Variants in SLC38A9 observed in about 807,000 individuals in gnomAD.
SLC38A9 encodes neutral amino acid transporter 9.
A neutral mutation model predicts 62.3 loss-of-function variants in SLC38A9; 48 were observed. The observed-to-expected ratio is 0.77, with a 90% CI of 0.61 to 0.98. The LOEUF (loss-of-function observed/expected upper bound fraction) is 0.98. Ranked by LOEUF, SLC38A9 falls within the 50% of genes least tolerant of loss-of-function variation. SLC38A9 has a pLI of 0.00. For missense variants in SLC38A9, 541 were observed against 679.8 expected (o/e 0.80, Z 2.27); for synonymous variants, 204 against 227.7 (o/e 0.90, Z 0.94).
rs56912932 is a variant in SLC38A9, at chr5:55,687,065, GTTTTTTTTTT to G, written c.113+10771_113+10780del. Among the ~76,000 whole-genome samples, 1,105 of 125,580 alleles carry G rather than the reference GTTTTTTTTTT, an allele frequency of 8.8e-3. 13 individuals carry two copies. Among genetic ancestry groups the G allele is most frequent in the African/African-American group, 0.029 (911 of 31,600 alleles). 82.4% of individuals were successfully genotyped at this position (125,580 alleles called of 152,430 possible). A position where few individuals can be genotyped will look rare whatever the true frequency, so the allele number is the denominator to read the frequency against. On this transcript the variant is annotated intron_variant, in intron 3 of 15. Coordinates refer to ENST00000396865, the MANE Select transcript of SLC38A9 (RefSeq NM_173514.4). The stretch of plus-strand genomic sequence containing the variant: ...TGGATAGCATGATGCCTCCAGCTTT[GTTTTTTTTTT>G]TTTTTTTTTTTTTTTGCTTAAGATT...
At chr5:55,637,642 A>G (rs73123886) in intron 12 of SLC38A9, among the ~76,000 whole-genome samples, 4,299 of 152,294 alleles carry the variant, frequency 0.028, 74 homozygotes, top group South Asian at 0.044. Context: ...CGCCTGGTAC[A>G]TAGGAGGAAC....
At chr5:55,657,703 G>C (rs1256982179) in intron 8 of SLC38A9, among the ~76,000 whole-genome samples, 2 of 152,094 alleles carry the variant, frequency 1.3e-5, no homozygotes, top group African/African-American at 2.4e-5. Context: ...TATTCTGTTT[G>C]ATATTAACCT....
At chr5:55,649,619 C>T (rs1747025996) in intron 10 of SLC38A9, among the ~76,000 whole-genome samples, 2 of 152,088 alleles carry the variant, frequency 1.3e-5, no homozygotes, top group African/African-American at 4.8e-5. Flanking sequence ...GTCAGGAGTT[C>T]GAGACCAAAC....
intron 10 of SLC38A9, among the ~76,000 whole-genome samples, 186 bp from the exon 11 acceptor site, chr5:55,649,500 A>C (rs1054388095): frequency 1.1e-5 from 1 of 94,880 alleles, no homozygotes; most frequent in South Asian, 4.3e-4. Context: ...CAGAAAAAAA[A>C]CAAAACACTC....
intron 14 of SLC38A9, among the ~76,000 whole-genome samples, chr5:55,631,872 T>G (rs1743518840): frequency 6.6e-6 from 1 of 151,978 alleles, no homozygotes; most frequent in Admixed American, 6.6e-5. Context: ...ATAAAAAGAC[T>G]TAATGTAAGG....
At chr5:55,704,245 T>G (rs1757024701) in intron 2 of SLC38A9, 1 of 152,160 alleles carries the variant, frequency 6.6e-6, no homozygotes, top group African/African-American at 2.4e-5. Flanking sequence ...ATTAAAAGCT[T>G]AGGAAAGAAA....
At chr5:55,685,030 T>C (rs772373755) in intron 3 of SLC38A9, among the ~76,000 whole-genome samples, 2 of 152,248 alleles carry the variant, frequency 1.3e-5, no homozygotes, top group African/African-American at 2.4e-5. Flanking sequence ...GGCTCTCCTT[T>C]CTGGCTTTGT....
At chr5:55,711,867 C>T (rs558020830) in intron 1 of SLC38A9, among the ~76,000 whole-genome samples, 1 of 152,198 alleles carries the variant, frequency 6.6e-6, no homozygotes, top group South Asian at 2.1e-4. Flanking sequence ...CTCCCTCCTT[C>T]TCTCACCCGA....
At chr5:55,644,375 AT>A (rs1745949932) in intron 12 of SLC38A9, among the ~76,000 whole-genome samples, 1 of 148,642 alleles carries the variant, frequency 6.7e-6, no homozygotes, top group Non-Finnish European at 1.5e-5. Context: ...TATTTGTCAC[AT>A]CTATTCTTTG....
In SLC38A9 at chr5:55,635,653, C is replaced by G; in HGVS notation, c.1172G>C (p.Arg391Thr). The G allele has an allele frequency of 6.2e-7, 1 of 1,608,774 alleles. No individual in the cohort carries two copies. Among genetic ancestry groups the G allele is most frequent in the Non-Finnish European group, 8.5e-7 (1 of 1,175,244 alleles). ...KNNKKQENNVRDLCIAYMLVT... is the reference protein window; with the variant it reads ...KNNKKQENNVTDLCIAYMLVT... The stretch of plus-strand genomic sequence containing the variant: ...CAGCATATAAGCAATGCACAAGTCC[C>G]TCACCTGTAAATACAGAACAAAAGT... Residue 391 changes from arginine to threonine, a missense_variant, in exon 13 of 16, where the codon AGG (arginine) becomes ACG (threonine). Arg to Thr is a moderately conservative substitution (Grantham distance 71). Transcript: ENST00000396865.
chr5:55,632,541 C>A (rs1743668345), intron 14 of SLC38A9, among the ~76,000 whole-genome samples: 1 of 152,130 alleles, frequency 6.6e-6, no homozygotes, highest in Admixed American at 6.5e-5. Flanking sequence ...AAAATGAAAG[C>A]CTCAGAAACA....
At chr5:55,677,386 C>T (rs1752252470) in intron 3 of SLC38A9, among the ~76,000 whole-genome samples, 1 of 152,064 alleles carries the variant, frequency 6.6e-6, no homozygotes, top group Admixed American at 6.6e-5. Flanking sequence ...AAACTTCCAC[C>T]CAGTGTGTCT....
In SLC38A9 at chr5:55,665,560, G is replaced by GA. The variant is rs982708973; in HGVS notation, c.527-698dup. Among the ~76,000 whole-genome samples the GA allele has an allele frequency of 6.1e-5, 9 of 146,698 alleles. No individual in the cohort carries two copies. In the South Asian group the frequency reaches 8.7e-4, roughly 14 times the overall value. On this transcript the variant is annotated intron_variant, in intron 7 of 15. Coordinates refer to ENST00000396865, the MANE Select transcript of SLC38A9 (RefSeq NM_173514.4). Reference sequence around the variant, plus strand: ...AGACTCCATCTCAAAAAAAAAAAAAGAAAAAAAACAAAAGAAAGAAATCAA... The same window carrying GA: ...AGACTCCATCTCAAAAAAAAAAAAAGAAAAAAAAACAAAAGAAAGAAATCAA...
chr5:55,710,116 ATCTAAG>A (rs1757823246), intron 2 of SLC38A9, among the ~76,000 whole-genome samples: 4 of 151,104 alleles, frequency 2.6e-5, no homozygotes, highest in African/African-American at 4.8e-5. Context: ...AAGAAAAGGA[ATCTAAG>A]TCTAACTGTT....
chr5:55,710,425 C>T (rs1757865759), intron 2 of SLC38A9, among the ~76,000 whole-genome samples: 1 of 151,768 alleles, frequency 6.6e-6, no homozygotes, highest in African/African-American at 2.4e-5. Context: ...CCAGGCTGGT[C>T]TTGAACTCCT....
intron 4 of SLC38A9, among the ~76,000 whole-genome samples, chr5:55,670,136 T>C (rs1322731650): frequency 2.0e-5 from 3 of 152,014 alleles, no homozygotes; most frequent in African/African-American, 4.8e-5. Context: ...GGCTAATTTT[T>C]TGTATTTTTT....
chr5:55,630,382 A>G (rs1448985869), intron 14 of SLC38A9, among the ~76,000 whole-genome samples: 1 of 151,992 alleles, frequency 6.6e-6, no homozygotes, highest in Admixed American at 6.6e-5. Flanking sequence ...CAGTGGTGCC[A>G]TCTTGGCTCA....
intron 9 of SLC38A9, among the ~76,000 whole-genome samples, chr5:55,655,181 T>C (rs1748184556): frequency 6.6e-6 from 1 of 152,164 alleles, no homozygotes; most frequent in African/African-American, 2.4e-5. Flanking sequence ...TGTTTCATAC[T>C]CTCATTGTTT....
At chr5:55,657,489 A>ATT (rs1451872214) in intron 8 of SLC38A9, among the ~76,000 whole-genome samples, 1 of 87,880 alleles carries the variant, frequency 1.1e-5, no homozygotes, top group African/African-American at 3.5e-5. Flanking sequence ...GGAAAATCAA[A>ATT]GTTTTTTTTT....
Sources: allele counts gnomAD v4.1 joint callset (sites outside exome capture counted in the v4.1 genomes callset), GRCh38; gene constraint gnomAD v4.1.1; transcripts MANE v1.5; gene names NCBI Gene and HGNC (gene_info 2026-07-23, HGNC 2026-07-21).